The following SLC52A3 variants were observed in gnomAD, a reference collection of about 807,000 sequenced individuals.
SLC52A3 encodes the protein solute carrier family 52, riboflavin transporter, member 3.
A neutral mutation model predicts 29.5 loss-of-function variants in SLC52A3; 20 were observed. The ratio of observed to expected loss-of-function variants is 0.68; its 90% confidence interval spans 0.48 to 0.99. The LOEUF is 0.99. Ranked by LOEUF, SLC52A3 falls within the 50% of genes least tolerant of loss-of-function variation. The pLI is 0.00. For missense variants in SLC52A3, 548 were observed against 612.9 expected (o/e 0.89, Z 1.12); for synonymous variants, 301 against 271.0 (o/e 1.11, Z -1.09).
chr20:772,974 A>G (rs759044723), upstream of SLC52A3, among the ~76,000 whole-genome samples: 2 of 152,248 alleles, frequency 1.3e-5, no homozygotes, highest in Non-Finnish European at 2.9e-5. Flanking sequence ...AAGGACAGCT[A>G]GGAGGCCAGT....
At chr20:777,950 A>G (rs1987111322), upstream of SLC52A3, among the ~76,000 whole-genome samples, 1 of 152,082 alleles carries the variant, frequency 6.6e-6, no homozygotes, top group Non-Finnish European at 1.5e-5. Context: ...AAGGAAATCT[A>G]CATTAGTAAA....
chr20:763,768 C>T lies in SLC52A3; in HGVS notation c.803G>A (p.Arg268Gln), dbSNP rs111912321. 1.9e-5 allele frequency: 30 copies of T among 1,614,062 alleles called. No individual in the cohort carries two copies. The highest frequency in any genetic ancestry group is 1.6e-4 in the African/African-American group (12 of 74,930). Residue 268 changes from arginine (R) to glutamine (Q), a missense_variant, in exon 3 of 5, where the codon CGG becomes CAG. Around this residue, in one of 2 missense-constraint regions of SLC52A3, gnomAD observed 375 missense variants for 471.1 expected, o/e 0.80. Coordinates refer to ENST00000645534, the MANE Select transcript of SLC52A3 (RefSeq NM_033409.4). ...TGCAGGGCCCAAGTCATTCTCTTCC[C>T]GCGGCCGGATGGAGTGGAGGGTGAC... ...DQVTLHSIRP[R>Q]EENDLGPAGT...
chr20:765,159 A>G lies in SLC52A3; in HGVS notation c.567+49T>C, dbSNP rs774084985. 28 of 1,608,986 alleles carry G rather than the reference A, an allele frequency of 1.7e-5. No individual in the cohort carries two copies. Among genetic ancestry groups the G allele is most frequent in the African/African-American group, 2.7e-5 (2 of 74,920 alleles). Reference sequence around the variant, plus strand: ...GGTGAGCAGTTTTTCCCTCCCCTACATTTGTGATAAAGCCAAGTGCTGAGA... The same window carrying G: ...GGTGAGCAGTTTTTCCCTCCCCTACGTTTGTGATAAAGCCAAGTGCTGAGA... On this transcript the variant is annotated intron_variant, in intron 2 of 4. Coordinates refer to ENST00000645534, the MANE Select transcript of SLC52A3 (RefSeq NM_033409.4). This position sits in a 1 kb window ranked among gnomAD's most constrained non-coding sequence, Gnocchi z 6.6.
At chr20:777,245 AAAACAAAC>A (rs777785589), upstream of SLC52A3, among the ~76,000 whole-genome samples, 1 of 126,052 alleles carries the variant, frequency 7.9e-6, no homozygotes, top group Non-Finnish European at 1.7e-5. Flanking sequence ...CAATAAAACA[AAAACAAAC>A]AAACAAACAA....
Position 765,447 on chromosome 20 carries a change from C to A in SLC52A3, c.328G>T (p.Val110Phe), listed in dbSNP as rs140391358. ...LDGHHSIAFL[V>F]LTFFLALVDC... ...ACCAGGGCCAGGAAGAAGGTGAGGA[C>A]CAAGAAGGCGATGCTGTGGTGGCCG... Residue 110 changes from valine to phenylalanine, a missense_variant, in exon 2 of 5, where the codon GTC becomes TTC. Coordinates refer to ENST00000645534, the MANE Select transcript of SLC52A3 (RefSeq NM_033409.4). The surrounding 1 kb of genome is among the most constrained non-coding windows in gnomAD (Gnocchi z 6.6). 17 of 1,611,690 alleles carry A rather than the reference C, an allele frequency of 1.1e-5. No homozygotes were observed. The highest frequency in any genetic ancestry group is 5.9e-6 in the Non-Finnish European group (7 of 1,178,828).
rs1006165417 is a variant in SLC52A3 at position 761,294 on chromosome 20, G to A, written c.1198-56C>T. 6 of 1,491,596 alleles carry A rather than the reference G, an allele frequency of 4.0e-6. No individual in the cohort carries two copies. The African/African-American group carries it at 5.6e-5, about 14-fold the overall frequency. 92.4% of individuals were successfully genotyped at this position (1,491,596 alleles called of 1,614,324 possible). On this transcript the variant is annotated intron_variant, in intron 4 of 4. Coordinates refer to ENST00000645534, the MANE Select transcript of SLC52A3 (RefSeq NM_033409.4). ...TCACGGGGCTTGCGGGGCGAGCGCC[G>A]GAGCAAAGAACTCTCACAGGGCTCA...
chr20:770,791 G>C (rs1289263839), upstream of SLC52A3, among the ~76,000 whole-genome samples: 13 of 152,230 alleles, frequency 8.5e-5, no homozygotes, highest in Admixed American at 2.6e-4. The surrounding 1 kb of genome is among the most constrained non-coding windows in gnomAD (Gnocchi z 4.5). Flanking sequence ...TTGTGGCAAA[G>C]TTATCTTGGG....
upstream of SLC52A3, among the ~76,000 whole-genome samples, chr20:779,233 TACA>T (rs1243474368): frequency 6.6e-6 from 1 of 152,232 alleles, no homozygotes; most frequent in African/African-American, 2.4e-5. Flanking sequence ...GAAGGATGTT[TACA>T]ACGAGTCAGA....
upstream of SLC52A3, among the ~76,000 whole-genome samples, chr20:771,162 A>G (rs557935923): frequency 6.6e-6 from 1 of 152,358 alleles, no homozygotes; most frequent in South Asian, 2.1e-4. Context: ...GCTCACTCGT[A>G]TAATTCCAGC....
At chr20:774,553 T>C (rs186732327) in intron 1 of SLC52A3, among the ~76,000 whole-genome samples, 103 of 152,054 alleles carry the variant, frequency 6.8e-4, no homozygotes, top group African/African-American at 2.4e-3. Flanking sequence ...AACCGAAAGC[T>C]AGAAGCAGAA....
upstream of SLC52A3, among the ~76,000 whole-genome samples, chr20:779,672 A>G (rs1987158594): frequency 6.6e-6 from 1 of 152,202 alleles, no homozygotes; most frequent in South Asian, 2.1e-4. Context: ...ATAAAATGCC[A>G]CCATAACTCT....
intron 1 of SLC52A3, among the ~76,000 whole-genome samples, chr20:766,494 A>C (rs1223075684): frequency 6.6e-6 from 1 of 152,204 alleles, no homozygotes; most frequent in African/African-American, 2.4e-5. Flanking sequence ...GAAGAATCAC[A>C]AAAGAAGTGA....
rs2122509563 is a variant in SLC52A3 at position 761,781 on chromosome 20, A to G, written c.1117T>C (p.Phe373Leu). 2.5e-6 allele frequency: 4 copies of G among 1,614,218 alleles called. No individual in the cohort carries two copies. The South Asian group carries it at 4.4e-5, about 18-fold the overall frequency. ...GCCATGGCCATGTTGTAGCCCCCAA[A>G]GCAGGTCCCAAGCACGGAGAGGACC... is the stretch of plus-strand genomic sequence containing the variant. ...LGVLSVLGTC[F>L]GGYNMAMAVM... The change falls in exon 4 of 5, where the codon TTT (phenylalanine) becomes CTT (leucine). Residue 373 changes from phenylalanine (F) to leucine (L), a missense_variant. Coordinates refer to ENST00000645534, the MANE Select transcript of SLC52A3 (RefSeq NM_033409.4).
At position 768,482 on chromosome 20, in the gene SLC52A3, T is replaced by C. The variant is rs1454548049; in HGVS notation, c.-237A>G. ...AGTCTTTAACTCCATACTTCTTCCT[T>C]CTAGTACAAAGCAGGAGTGTCCGTT... On this transcript the variant is annotated 5_prime_UTR_variant, in exon 1 of 5. Coordinates refer to ENST00000645534, the MANE Select transcript of SLC52A3 (RefSeq NM_033409.4). The C allele has an allele frequency of 1.3e-5, 2 of 152,166 alleles. No individual in the cohort carries two copies. The highest frequency in any genetic ancestry group is 2.9e-5 in the Non-Finnish European group (2 of 68,040). 9.4% of individuals were successfully genotyped at this position (152,166 alleles called of 1,614,324 possible). A position where few individuals can be genotyped will look rare whatever the true frequency, so the allele number is the denominator to read the frequency against.
upstream of SLC52A3, among the ~76,000 whole-genome samples, chr20:768,898 C>T (rs1379314707): frequency 6.6e-6 from 1 of 152,212 alleles, no homozygotes; most frequent in Non-Finnish European, 1.5e-5. Context: ...GGAGCACCAG[C>T]CCCCTCTGCT....
chr20:777,546 A>G (rs917369059), upstream of SLC52A3, among the ~76,000 whole-genome samples: 5 of 152,214 alleles, frequency 3.3e-5, no homozygotes, highest in South Asian at 4.1e-4. Context: ...GCCTCCATGG[A>G]TGTAAAACAT....
chr20:773,448 G>A (rs1298163133), upstream of SLC52A3, among the ~76,000 whole-genome samples: 2 of 152,294 alleles, frequency 1.3e-5, no homozygotes, highest in South Asian at 2.1e-4. Context: ...TTTACATCCA[G>A]GCATGCTTGA....
At chr20:761,326 C>G (rs1986467978) in intron 4 of SLC52A3, 88 bp from the exon 5 acceptor site, 10 of 1,358,574 alleles carry the variant, frequency 7.4e-6, no homozygotes, top group Non-Finnish European at 7.9e-6. Flanking sequence ...CTCAGGGGAA[C>G]CCACGGAATA....
chr20:761,994 G>A (rs753405204), intron 3 of SLC52A3, among the ~76,000 whole-genome samples, 170 bp from the exon 4 acceptor site: 32 of 152,242 alleles, frequency 2.1e-4, no homozygotes, highest in Non-Finnish European at 4.3e-4. Context: ...AGCAGGCAGG[G>A]CTGGCCTGAG....
Sources: gnomAD v4.1 joint callset for allele counts (sites outside exome capture counted in the v4.1 genomes callset) on GRCh38, gnomAD v4.1.1 for gene constraint, gnomAD v4.1.1 regional missense constraint, Gnocchi (gnomAD v3.1) non-coding constraint, MANE v1.5 for transcripts, NCBI Gene and HGNC (gene_info 2026-07-23, HGNC 2026-07-21) for gene names.